Variants in ATN1 observed in about 807,000 individuals in gnomAD.
ATN1 encodes atrophin-1.
In ATN1, 19 loss-of-function variants were observed where a neutral mutation model predicts 85.8. The observed-to-expected ratio is 0.22, with a 90% CI of 0.15 to 0.32. The LOEUF is 0.32. Ranked by LOEUF, ATN1 falls within the 10% of genes least tolerant of loss-of-function variation. ATN1 has a pLI of 1.00. For synonymous variants in ATN1, 674 were observed against 657.0 expected (o/e 1.03, Z -0.39); for missense variants, 1,453 against 1,564.5 (o/e 0.93, Z 1.20).
intron 6 of ATN1, 33 bp downstream of exon 6, chr12:6,938,100 TTTCCCTCTTTCCTTCC>T: frequency 2.6e-6 from 4 of 1,520,758 alleles, no homozygotes; most frequent in Non-Finnish European, 3.5e-6. Context: ...CACCGCCTTC[TTTCCCTCTTTCCTTCC>T]TTCCCTCTGC....
chr12:6,938,373 G>C, intron 6 of ATN1, 108 bp from the exon 7 acceptor site: 1 of 1,421,948 alleles, frequency 7.0e-7, no homozygotes, highest in Non-Finnish European at 9.3e-7. Context: ...GAGTTTCAAT[G>C]AGTTGAGGCA....
Position 6,941,859 on chromosome 12 carries a change from C to T in ATN1, c.*79C>T. ...CACCCTCCCCCCACCGTGCCCTTGG[C>T]CTGCCACCCAGAGCCAAGAGGGTGC... On this transcript the variant is annotated 3_prime_UTR_variant, in exon 10 of 10. Transcript: ENST00000396684. The surrounding 1 kb of genome is among the most constrained non-coding windows in gnomAD (Gnocchi z 5.9). The T allele has an allele frequency of 4.8e-6, 7 of 1,464,702 alleles. No individual in the cohort carries two copies. The highest frequency in any genetic ancestry group is 2.3e-5 in the East Asian group (1 of 44,170). The allele number at this position is 1,464,702 out of a possible 1,614,324, so 90.7% of individuals were successfully genotyped here.
At position 6,937,491 on chromosome 12, in the gene ATN1, C is replaced by T. The variant is rs1432701511; in HGVS notation, c.2224C>T (p.Pro742Ser). The change falls in exon 5 of 10, where the codon CCC becomes TCC. Residue 742 changes from proline to serine, a missense_variant. This residue lies in a region of ATN1 where 990 missense variants were observed against 914.8 expected (regional missense o/e 1.08). Transcript: ENST00000396684. This position sits in a 1 kb window ranked among gnomAD's most constrained non-coding sequence, Gnocchi z 6.0. ...GTATGAGACCCCCGAGAGCCCGGTG[C>T]CCCCAGCCCGCAGCCCCTCGCCCCC... The part of the protein sequence containing the change: ...EEYETPESPV[P>S]PARSPSPPPK... The T allele has an allele frequency of 7.1e-6, 11 of 1,543,488 alleles. No homozygotes were observed. The highest frequency in any genetic ancestry group is 9.6e-6 in the Non-Finnish European group (11 of 1,146,176).
At position 6,941,921 on chromosome 12, in the gene ATN1, T is replaced by A; in HGVS notation, c.*141T>A. The A allele has an allele frequency of 1.2e-6, 1 of 836,672 alleles. No homozygotes were observed. The highest frequency in any genetic ancestry group is 2.0e-6 in the Non-Finnish European group (1 of 506,184). 51.8% of individuals were successfully genotyped at this position (836,672 alleles called of 1,614,324 possible). A position where few individuals can be genotyped will look rare whatever the true frequency, so the allele number is the denominator to read the frequency against. On this transcript the variant is annotated 3_prime_UTR_variant, in exon 10 of 10. Transcript: ENST00000396684. This position sits in a 1 kb window ranked among gnomAD's most constrained non-coding sequence, Gnocchi z 5.9. ...AGGGCCTCCGCAGCTGGACAGAGAG[T>A]GGGGGAGGGAGGGACAGACAGAAGG... is the stretch of plus-strand genomic sequence containing the variant.
At position 6,934,265 on chromosome 12, in the gene ATN1, C is replaced by T; in HGVS notation, c.117C>T (p.Ser39=). The T allele has an allele frequency of 1.9e-6, 3 of 1,580,600 alleles. No homozygotes were observed. The highest frequency in any genetic ancestry group is 2.6e-6 in the Non-Finnish European group (3 of 1,170,874). ...SRGRASPGGV[S]TSSSDGKAEK... ...GCCGGGCCTCCCCTGGAGGGGTCAG[C>T]ACGTCCAGCAGTGATGGCAAAGCTG... The change falls in exon 3 of 10, where the codon AGC becomes AGT. Residue 39 remains serine, a synonymous_variant. Transcript: ENST00000396684. This position sits in a 1 kb window ranked among gnomAD's most constrained non-coding sequence, Gnocchi z 4.5.
intron 1 of ATN1, among the ~76,000 whole-genome samples, chr12:6,932,925 T>G (rs1555143178): frequency 6.6e-6 from 1 of 152,230 alleles, no homozygotes; most frequent in Non-Finnish European, 1.5e-5. Flanking sequence ...CTAGGCCTTC[T>G]GAGAATTCTC....
At chr12:6,926,622 G>A (rs1180102835), upstream of ATN1, among the ~76,000 whole-genome samples, 1 of 151,898 alleles carries the variant, frequency 6.6e-6, no homozygotes, top group Non-Finnish European at 1.5e-5. Context: ...ACAGGCATGC[G>A]CCACCACACC....
In ATN1 at chr12:6,936,172, C is replaced by T. The variant is rs1555143599; in HGVS notation, c.905C>T (p.Pro302Leu). Residue 302 changes from proline to leucine, a missense_variant, in exon 5 of 10, where the codon CCT (proline) becomes CTT (leucine). By Grantham distance (98) the Pro-to-Leu change is moderately conservative. This residue lies in a region of ATN1 where 990 missense variants were observed against 914.8 expected (regional missense o/e 1.08). Transcript: ENST00000396684. Reference sequence around the variant, plus strand: ...TTCCCCCATGTGACACCGAACCTGCCTCCCCCACCTGCCCTGAGACCCCTC... The same window carrying T: ...TTCCCCCATGTGACACCGAACCTGCTTCCCCCACCTGCCCTGAGACCCCTC... Reference protein sequence around the residue: ...ANFPHVTPNLPPPPALRPLNN... With the variant: ...ANFPHVTPNLLPPPALRPLNN... 2 of 1,543,844 alleles carry T rather than the reference C, an allele frequency of 1.3e-6. No individual in the cohort carries two copies. Among genetic ancestry groups the T allele is most frequent in the Admixed American group, 2.0e-5 (1 of 50,382 alleles).
chr12:6,937,126 C>G lies in ATN1; in HGVS notation c.1859C>G (p.Thr620Ser). ...SSATLSTVIA[T>S]VASSPAGYKT... ...GCTACCCTTTCCACGGTCATTGCCA[C>G]CGTGGCTTCCTCGCCAGCAGGCTAC... Residue 620 changes from threonine (T) to serine (S), a missense_variant, in exon 5 of 10, where the codon ACC becomes AGC. Thr to Ser is a moderately conservative substitution (Grantham distance 58). Around this residue, in one of 6 missense-constraint regions of ATN1, gnomAD observed 990 missense variants for 914.8 expected, o/e 1.08. Transcript: ENST00000396684. This position sits in a 1 kb window ranked among gnomAD's most constrained non-coding sequence, Gnocchi z 6.0. 1 of 1,611,762 alleles carries G rather than the reference C, an allele frequency of 6.2e-7. No individual in the cohort carries two copies.
intron 7 of ATN1, among the ~76,000 whole-genome samples, chr12:6,940,573 T>C (rs1021796656): frequency 5.3e-5 from 8 of 152,148 alleles, no homozygotes; most frequent in Non-Finnish European, 8.8e-5. Context: ...CGGCCTCTTC[T>C]TGTCTTATTT....
upstream of ATN1, among the ~76,000 whole-genome samples, chr12:6,925,665 CCA>C (rs1555142523): frequency 6.6e-6 from 1 of 152,168 alleles, no homozygotes; most frequent in South Asian, 2.1e-4. Flanking sequence ...GTTCCTGCGC[CCA>C]GTTCCCCAGT....
At position 6,936,664 on chromosome 12, in the gene ATN1, C is replaced by G. The variant is rs373005029; in HGVS notation, c.1397C>G (p.Thr466Ser). 190 of 1,613,718 alleles carry G rather than the reference C, an allele frequency of 1.2e-4. No homozygotes were observed. The highest frequency in any genetic ancestry group is 1.5e-4 in the Non-Finnish European group (181 of 1,179,968). Residue 466 changes from threonine to serine, a missense_variant, in exon 5 of 10, where the codon ACT becomes AGT. Physicochemically the swap from Thr to Ser is moderately conservative, Grantham distance 58 (BLOSUM62 1). Coordinates refer to ENST00000396684, the MANE Select transcript of ATN1 (RefSeq NM_001940.4). ...CATCCAGGCCCCTTCCCTCCCTCTA[C>G]TGGGGCCCAGTCCACCGCCCACCCA... is the stretch of plus-strand genomic sequence containing the variant. Reference protein sequence around the residue: ...NAHPGPFPPSTGAQSTAHPPV... With the variant: ...NAHPGPFPPSSGAQSTAHPPV...
In ATN1 at chr12:6,938,701, C is replaced by G. The variant is rs782503458; in HGVS notation, c.2738C>G (p.Pro913Arg). ...PFYVPLGAVD[P>R]GLLGYNVPAL... ...TACGTGCCCCTGGGGGCAGTGGACC[C>G]GGGGCTCCTGGGTTACAATGTCCCG... The change falls in exon 7 of 10, where the codon CCG (proline) becomes CGG (arginine). Residue 913 changes from proline to arginine, a missense_variant. Pro to Arg is a moderately radical substitution (Grantham distance 103). Transcript: ENST00000396684. 6.2e-7 allele frequency: 1 copy of G among 1,614,066 alleles called. No homozygotes were observed. Among genetic ancestry groups the G allele is most frequent in the Admixed American group, 1.7e-5 (1 of 60,030 alleles).
In ATN1 at chr12:6,928,053, C is replaced by T. The variant is rs868971716; in HGVS notation, c.-494C>T. The stretch of plus-strand genomic sequence containing the variant: ...GGTCGGAACCGCGCCGAGGGCCGGG[C>T]GGGCCGCGGGGCCGGGCGGCGCGGC... On this transcript the variant is annotated 5_prime_UTR_variant, in exon 1 of 10. Transcript: ENST00000396684. 7.6e-6 allele frequency among the ~76,000 whole-genome samples: 1 copy of T among 130,868 alleles called. No individual in the cohort carries two copies. The highest frequency in any genetic ancestry group is 2.8e-5 in the African/African-American group (1 of 36,116). The allele number at this position is 130,868 out of a possible 152,430, so 85.9% of individuals were successfully genotyped here.
Position 6,938,079 on chromosome 12 carries a change from A to G in ATN1, c.2517+12A>G. Reference sequence around the variant, plus strand: ...TTGAACGCAGCGTGGTGAGTGCGTCACTGCCTGCGCCACCGCCTTCTTTCC... The same window carrying G: ...TTGAACGCAGCGTGGTGAGTGCGTCGCTGCCTGCGCCACCGCCTTCTTTCC... On this transcript the variant is annotated intron_variant, in intron 6 of 9. Transcript: ENST00000396684. The G allele has an allele frequency of 6.5e-7, 1 of 1,536,276 alleles. No individual in the cohort carries two copies. The highest frequency in any genetic ancestry group is 1.4e-5 in the African/African-American group (1 of 72,438).
chr12:6,937,973 A>G lies in ATN1; in HGVS notation c.2423A>G (p.Glu808Gly). 6.4e-7 allele frequency: 1 copy of G among 1,556,560 alleles called. No individual in the cohort carries two copies. Among genetic ancestry groups the G allele is most frequent in the South Asian group, 1.2e-5 (1 of 84,672 alleles). ...DLVEKVRREA[E>G]QRAREEKERE... is the part of the protein sequence containing the mutation. ...GTGGAGAAGGTGCGGCGCGAGGCCG[A>G]GCAGCGCGCGCGCGAAGAAAAGGAG... is the stretch of plus-strand genomic sequence containing the variant. Residue 808 changes from glutamate (E) to glycine (G), a missense_variant, in exon 6 of 10, where the codon GAG becomes GGG. Transcript: ENST00000396684. The surrounding 1 kb of genome is among the most constrained non-coding windows in gnomAD (Gnocchi z 6.0).
At position 6,941,161 on chromosome 12, in the gene ATN1, C is replaced by A. The variant is rs1555144573; in HGVS notation, c.3358+138C>A. ...GGAGCTGGGCATGGGAATAGGAGAG[C>A]TGGAGCTCTGCCCAAGAGAAGCACG... On this transcript the variant is annotated intron_variant, in intron 8 of 9. Coordinates refer to ENST00000396684, the MANE Select transcript of ATN1 (RefSeq NM_001940.4). The surrounding 1 kb of genome is among the most constrained non-coding windows in gnomAD (Gnocchi z 5.9). 1.6e-6 allele frequency: 2 copies of A among 1,269,522 alleles called. No individual in the cohort carries two copies. Among genetic ancestry groups the A allele is most frequent in the East Asian group, 2.5e-5 (1 of 40,310 alleles). 78.6% of individuals were successfully genotyped at this position (1,269,522 alleles called of 1,614,324 possible).
At position 6,941,862 on chromosome 12, in the gene ATN1, G is replaced by A; in HGVS notation, c.*82G>A. 7.2e-7 allele frequency: 1 copy of A among 1,388,562 alleles called. No homozygotes were observed. Among genetic ancestry groups the A allele is most frequent in the Non-Finnish European group, 1.0e-6 (1 of 977,742 alleles). The allele number at this position is 1,388,562 out of a possible 1,614,324, so 86.0% of individuals were successfully genotyped here. ...CCTCCCCCCACCGTGCCCTTGGCCT[G>A]CCACCCAGAGCCAAGAGGGTGCTGC... On this transcript the variant is annotated 3_prime_UTR_variant, in exon 10 of 10. Coordinates refer to ENST00000396684, the MANE Select transcript of ATN1 (RefSeq NM_001940.4). The surrounding 1 kb of genome is among the most constrained non-coding windows in gnomAD (Gnocchi z 5.9).
upstream of ATN1, among the ~76,000 whole-genome samples, chr12:6,926,354 G>A (rs1286418169): frequency 6.6e-6 from 1 of 152,090 alleles, no homozygotes; most frequent in Non-Finnish European, 1.5e-5. Context: ...TGGAAGGCCT[G>A]AGGATGGTGT....
Sources: allele counts gnomAD v4.1 joint callset (sites outside exome capture counted in the v4.1 genomes callset), GRCh38; gene constraint gnomAD v4.1.1; regional missense constraint gnomAD v4.1.1; non-coding constraint Gnocchi (gnomAD v3.1); transcripts MANE v1.5; gene names NCBI Gene and HGNC (gene_info 2026-07-23, HGNC 2026-07-21).